Variants in CALHM4 observed in about 807,000 individuals in gnomAD.
CALHM4 encodes the protein calcium homeostasis modulator protein 4.
CALHM4 carries 16 observed loss-of-function variants against 13.3 expected under a neutral mutation model. The ratio of observed to expected loss-of-function variants is 1.20; its 90% CI spans 0.81 to 1.82. CALHM4 has a LOEUF of 1.82. Among genes scored for constraint, CALHM4 ranks in the 40% most tolerant of loss-of-function variants. The pLI, the probability that CALHM4 is intolerant of heterozygous loss-of-function variation, is 0.00. For missense variants in CALHM4, 344 were observed against 374.9 expected, an observed-to-expected ratio of 0.92 and a Z score of 0.68; for synonymous variants, 127 against 137.1, an observed-to-expected ratio of 0.93 and a Z score of 0.52.
chr6:116,532,933 TA>T (rs1412123270), intron 1 of CALHM4, among the ~76,000 whole-genome samples: 1 of 152,250 alleles, frequency 6.6e-6, no homozygotes, highest in Admixed American at 6.5e-5. Flanking sequence ...TAATGCAAAC[TA>T]ATTATCTCCC....
chr6:116,532,633 T>A (rs1326712123), intron 1 of CALHM4, among the ~76,000 whole-genome samples: 1 of 152,246 alleles, frequency 6.6e-6, no homozygotes, highest in African/African-American at 2.4e-5. Context: ...TTTGGGAAAC[T>A]GTATTACTTC....
At chr6:116,543,529 T>A in intron 1 of CALHM4, 1 of 789,820 alleles carries the variant, frequency 1.3e-6, no homozygotes, top group South Asian at 1.9e-5. Flanking sequence ...TTCCTCCTAT[T>A]ATTGCAACAA....
At chr6:116,549,507 T>A (rs1773955232), upstream of CALHM4, among the ~76,000 whole-genome samples, 1 of 152,162 alleles carries the variant, frequency 6.6e-6, no homozygotes, top group African/African-American at 2.4e-5. Context: ...TTATCATTTG[T>A]ATGTGTTGAG....
chr6:116,537,529 T>C (rs1279410040), intron 1 of CALHM4, among the ~76,000 whole-genome samples: 3 of 152,234 alleles, frequency 2.0e-5, no homozygotes, highest in African/African-American at 7.2e-5. Flanking sequence ...TTCTTTCCTA[T>C]GCTCTCCATA....
intron 1 of CALHM4, among the ~76,000 whole-genome samples, chr6:116,536,765 A>T (rs1227871768): frequency 6.6e-6 from 1 of 152,250 alleles, no homozygotes; most frequent in East Asian, 1.9e-4. Flanking sequence ...TTTTACAGCC[A>T]TTAGGTTCTA....
At position 116,558,064 on chromosome 6, in the gene CALHM4, T is replaced by C. The variant is rs1177182822; in HGVS notation, c.798T>C (p.Ile266=). The C allele has an allele frequency of 2.5e-6, 4 of 1,614,194 alleles. No homozygotes were observed. Among genetic ancestry groups the C allele is most frequent in the Non-Finnish European group, 2.5e-6 (3 of 1,180,024 alleles). The change falls in exon 2 of 2, where the codon ATT becomes ATC. Residue 266 remains isoleucine (I), a synonymous_variant. Coordinates refer to ENST00000368596, the MANE Select transcript of CALHM4 (RefSeq NM_001366078.2). ...PGSEDVKHIR[I]PSCQDWKDIS... ...GTGAAGACGTCAAACACATCCGCAT[T>C]CCTTCTTGTCAGGACTGGAAAGATA...
At chr6:116,537,672 C>T (rs965047780) in intron 1 of CALHM4, among the ~76,000 whole-genome samples, 2 of 152,130 alleles carry the variant, frequency 1.3e-5, no homozygotes, top group Admixed American at 6.6e-5. Flanking sequence ...GGAAGGGACT[C>T]GAGGAGCCCT....
chr6:116,538,290 C>G (rs1773219587), intron 1 of CALHM4, among the ~76,000 whole-genome samples: 1 of 152,168 alleles, frequency 6.6e-6, no homozygotes, highest in Admixed American at 6.5e-5. Flanking sequence ...AGCCAATATT[C>G]TCTGGGCCAA....
intron 1 of CALHM4, among the ~76,000 whole-genome samples, chr6:116,539,478 T>C (rs1344281055): frequency 6.6e-6 from 1 of 152,240 alleles, no homozygotes; most frequent in African/African-American, 2.4e-5. Context: ...TATTATTTAC[T>C]GTTCATCATA....
intron 1 of CALHM4, among the ~76,000 whole-genome samples, chr6:116,533,890 C>T (rs907816978): frequency 3.9e-5 from 6 of 152,142 alleles, no homozygotes; most frequent in African/African-American, 1.4e-4. Context: ...CCCATCAGCC[C>T]ACTTACACCC....
intron 2 of CALHM4, chr6:116,545,591 CTTTTTGTTTTG>C: frequency 1.5e-6 from 2 of 1,365,510 alleles, no homozygotes; most frequent in Non-Finnish European, 2.0e-6. Context: ...CAGTCCATGT[CTTTTTGTTTTG>C]TTTTTGTAAG....
At chr6:116,557,099 G>A (rs1045584007) in intron 1 of CALHM4, among the ~76,000 whole-genome samples, 6 of 151,880 alleles carry the variant, frequency 4.0e-5, no homozygotes, top group East Asian at 1.9e-4. Flanking sequence ...CACCATGCCC[G>A]ACTAATTTTT....
chr6:116,543,308 A>T (rs1363715946), intron 1 of CALHM4: 7 of 1,547,794 alleles, frequency 4.5e-6, no homozygotes, highest in Non-Finnish European at 6.1e-6. Flanking sequence ...CTTACATTTT[A>T]TCTAAATATT....
chr6:116,538,049 C>T (rs1773203744), intron 1 of CALHM4, among the ~76,000 whole-genome samples: 2 of 152,148 alleles, frequency 1.3e-5, no homozygotes, highest in African/African-American at 2.4e-5. Context: ...TATTTGTTAG[C>T]AGCTATTTTG....
In CALHM4 at chr6:116,558,301, CT is replaced by C; in HGVS notation, c.*95del. ...GGCCATTTCAATGTAATCTCTTCAT[CT>C]TTTTCTTTCTCTCTGATATTTGTTT... is the stretch of plus-strand genomic sequence containing the variant. On this transcript the variant is annotated 3_prime_UTR_variant, in exon 2 of 2. Transcript: ENST00000368596. 1.5e-6 allele frequency: 2 copies of C among 1,305,920 alleles called. No individual in the cohort carries two copies. Among genetic ancestry groups the C allele is most frequent in the Non-Finnish European group, 1.0e-6 (1 of 965,590 alleles). 80.9% of individuals were successfully genotyped at this position (1,305,920 alleles called of 1,614,324 possible). A position where few individuals can be genotyped will look rare whatever the true frequency, so the allele number is the denominator to read the frequency against.
chr6:116,540,805 A>G (rs927197049), intron 1 of CALHM4, among the ~76,000 whole-genome samples: 3 of 152,192 alleles, frequency 2.0e-5, no homozygotes, highest in Non-Finnish European at 2.9e-5. Context: ...ATCATTAGCT[A>G]TTGATGGAAA....
upstream of CALHM4, among the ~76,000 whole-genome samples, chr6:116,550,914 C>A (rs1230583893): frequency 4.6e-5 from 7 of 152,286 alleles, no homozygotes; most frequent in East Asian, 1.4e-3. Context: ...AGAGACCATA[C>A]TCTGAACCAC....
At chr6:116,535,683 T>C (rs573407420) in intron 1 of CALHM4, among the ~76,000 whole-genome samples, 2 of 152,346 alleles carry the variant, frequency 1.3e-5, no homozygotes, top group South Asian at 4.1e-4. Flanking sequence ...AATATTTCAT[T>C]ATTACAACTA....
At chr6:116,543,707 T>C in intron 1 of CALHM4, 1 of 964,866 alleles carries the variant, frequency 1.0e-6, no homozygotes, top group Non-Finnish European at 1.5e-6. Context: ...TTTTTAAAAA[T>C]ACTAATTTCT....
Sources: gnomAD v4.1 joint callset for allele counts (sites outside exome capture counted in the v4.1 genomes callset) on GRCh38, gnomAD v4.1.1 for gene constraint, MANE v1.5 for transcripts, NCBI Gene and HGNC (gene_info 2026-07-23, HGNC 2026-07-21) for gene names.